The following ARFGEF2 variants were observed in gnomAD, a reference collection of about 807,000 sequenced individuals.
ARFGEF2 encodes brefeldin A-inhibited guanine nucleotide-exchange protein 2.
A neutral mutation model predicts 219.9 loss-of-function variants in ARFGEF2; 74 were observed. That is an observed-to-expected ratio of 0.34 (90% CI 0.28 to 0.41). The LOEUF is 0.41. Ranked by LOEUF, ARFGEF2 falls within the 10% of genes least tolerant of loss-of-function variation. The probability of loss-of-function intolerance (pLI) is 1.00; values close to 1 mark genes in which losing one functional copy is unlikely to be tolerated. For synonymous variants in ARFGEF2, 733 were observed against 799.2 expected (o/e 0.92, Z 1.40); for missense variants, 1,743 against 2,218.3 (o/e 0.79, Z 4.30).
chr20:48,979,930 C>T (rs2091284654), intron 14 of ARFGEF2, among the ~76,000 whole-genome samples: 1 of 148,746 alleles, frequency 6.7e-6, no homozygotes, highest in South Asian at 2.2e-4. Context: ...AAAAAAACAG[C>T]TCCTGGATTC....
chr20:48,962,423 T>C (rs1465061375), intron 6 of ARFGEF2, among the ~76,000 whole-genome samples: 1 of 152,176 alleles, frequency 6.6e-6, no homozygotes, highest in African/African-American at 2.4e-5. Flanking sequence ...GGACCACTAT[T>C]GTATATGTGG....
intron 3 of ARFGEF2, among the ~76,000 whole-genome samples, chr20:48,942,473 GTTTTTTTTTTT>G (rs58144046): frequency 1.4e-5 from 1 of 73,498 alleles, no homozygotes; most frequent in East Asian, 5.1e-4. Flanking sequence ...TTCTTACTTG[GTTTTTTTTTTT>G]TTTTTTTTTT....
At chr20:48,957,729 T>A (rs1032302104) in intron 6 of ARFGEF2, among the ~76,000 whole-genome samples, 3 of 152,216 alleles carry the variant, frequency 2.0e-5, no homozygotes, top group African/African-American at 7.2e-5. Context: ...CCACAGTTAC[T>A]GGGTGGAGTC....
At chr20:49,024,252 CG>C (rs1245303636) in intron 35 of ARFGEF2, among the ~76,000 whole-genome samples, 2 of 152,196 alleles carry the variant, frequency 1.3e-5, no homozygotes, top group African/African-American at 2.4e-5. Context: ...GGATTGCAGG[CG>C]TGCACCACCA....
chr20:49,007,093 G>A (rs1425327344), intron 26 of ARFGEF2, among the ~76,000 whole-genome samples: 1 of 152,142 alleles, frequency 6.6e-6, no homozygotes, highest in Non-Finnish European at 1.5e-5. Flanking sequence ...GGCCATTGTA[G>A]TTGTCCAGGT....
chr20:49,020,548 C>G (rs1199086521), intron 34 of ARFGEF2, among the ~76,000 whole-genome samples: 1 of 152,208 alleles, frequency 6.6e-6, no homozygotes, highest in Non-Finnish European at 1.5e-5. Flanking sequence ...TGGGCTCAAG[C>G]AATCCTCCTG....
intron 14 of ARFGEF2, among the ~76,000 whole-genome samples, chr20:48,981,964 C>T (rs1290665635): frequency 6.6e-6 from 1 of 152,116 alleles, no homozygotes; most frequent in Non-Finnish European, 1.5e-5. Context: ...TTATTAGTGA[C>T]TTTCTGAAGC....
chr20:48,972,258 A>G (rs1183664972), intron 10 of ARFGEF2, 68 bp from the exon 11 acceptor site: 21 of 1,144,780 alleles, frequency 1.8e-5, no homozygotes, highest in Non-Finnish European at 2.8e-5. Flanking sequence ...GCTGCTGAAG[A>G]CTTTGGAGGT....
intron 10 of ARFGEF2, among the ~76,000 whole-genome samples, chr20:48,972,120 G>T (rs1399990034): frequency 6.6e-6 from 1 of 152,098 alleles, no homozygotes; most frequent in Non-Finnish European, 1.5e-5. Flanking sequence ...TTTCCACTTG[G>T]CAGCTCCCCA....
At chr20:48,922,049 A>T (rs1029217711) in intron 1 of ARFGEF2, 39 bp downstream of exon 1, 1 of 1,558,500 alleles carries the variant, frequency 6.4e-7, no homozygotes, top group African/African-American at 1.4e-5. Context: ...CGCTGGCCTC[A>T]GCACGTCGGC....
intron 30 of ARFGEF2, 111 bp downstream of exon 30, chr20:49,014,071 A>G: frequency 7.0e-7 from 1 of 1,431,578 alleles, no homozygotes; most frequent in Non-Finnish European, 9.8e-7. Flanking sequence ...TTAAATACTG[A>G]GCAACTTAAG....
chr20:48,985,087 G>A (rs186228719), intron 15 of ARFGEF2, among the ~76,000 whole-genome samples: 213 of 152,296 alleles, frequency 1.4e-3, no homozygotes, highest in Non-Finnish European at 2.2e-3. Context: ...TGCTGGAAGA[G>A]AGTCAGAGCT....
At position 48,988,310 on chromosome 20, in the gene ARFGEF2, T is replaced by C. The variant is rs1265136052; in HGVS notation, c.2283T>C (p.Thr761=). 2 of 1,613,040 alleles carry C rather than the reference T, an allele frequency of 1.2e-6. No individual in the cohort carries two copies. ...ARYIECNQGQ[T]LFASADTAYV... is the part of the protein sequence containing the mutation. The stretch of plus-strand genomic sequence containing the variant: ...CTCGAATTTTTTTCTCCAGGCAAAC[T>C]CTGTTTGCTAGTGCTGACACTGCTT... The change falls in exon 17 of 39, where the codon ACT becomes ACC. Residue 761 remains threonine (T), a synonymous_variant. Coordinates refer to ENST00000371917, the MANE Select transcript of ARFGEF2 (RefSeq NM_006420.3).
At chr20:48,928,490 G>A (rs543269827) in intron 1 of ARFGEF2, among the ~76,000 whole-genome samples, 11 of 138,712 alleles carry the variant, frequency 7.9e-5, no homozygotes, top group South Asian at 4.6e-4. Context: ...GAGCCACCGC[G>A]CCCGGCCGCA....
At chr20:48,971,065 ACT>A (rs2123415027) in intron 9 of ARFGEF2, 53 bp from the exon 10 acceptor site, 1 of 1,448,056 alleles carries the variant, frequency 6.9e-7, no homozygotes, top group Non-Finnish European at 9.7e-7. Context: ...CAAGAAACAT[ACT>A]GTTTGACATT....
rs1293881014 is a variant in ARFGEF2, at chr20:48,938,978, TTG to T, written c.122-2219_122-2218del. On this transcript the variant is annotated intron_variant, in intron 1 of 38. Transcript: ENST00000371917. ...GGTTTGTTTTATGGGTTTTTTTTGTTTGTTTTTTTTTTTTTTGAGAAAGTCTC... is the reference window on the plus strand; with the variant it reads ...GGTTTGTTTTATGGGTTTTTTTTGTTTTTTTTTTTTTTTTGAGAAAGTCTC... Among the ~76,000 whole-genome samples, 17 of 149,456 alleles carry T rather than the reference TTG, an allele frequency of 1.1e-4. 1 individual carries two copies. Among genetic ancestry groups the T allele is most frequent in the East Asian group, 2.0e-4 (1 of 5,110 alleles).
At chr20:48,996,897 G>A (rs1197926312) in intron 23 of ARFGEF2, among the ~76,000 whole-genome samples, 1 of 150,728 alleles carries the variant, frequency 6.6e-6, no homozygotes, top group Non-Finnish European at 1.5e-5. Flanking sequence ...AAGAAGCTTC[G>A]TACTTATTAG....
chr20:48,992,298 C>CT (rs1568725945), intron 21 of ARFGEF2, among the ~76,000 whole-genome samples: 1 of 151,946 alleles, frequency 6.6e-6, no homozygotes, highest in African/African-American at 2.4e-5. Flanking sequence ...CTGTTTTATT[C>CT]TTTTTTTTCT....
At chr20:48,963,953 C>A in intron 7 of ARFGEF2, 55 bp downstream of exon 7, 1 of 1,554,716 alleles carries the variant, frequency 6.4e-7, no homozygotes. Context: ...CCAAAAAGTC[C>A]TCAGCAAAAT....
Sources: gnomAD v4.1 joint callset for allele counts (sites outside exome capture counted in the v4.1 genomes callset) on GRCh38, gnomAD v4.1.1 for gene constraint, MANE v1.5 for transcripts, NCBI Gene and HGNC (gene_info 2026-07-23, HGNC 2026-07-21) for gene names.